Variants in SEC24A observed in about 807,000 individuals in gnomAD.
SEC24A encodes the protein SEC24 homolog A, COPII component.
A neutral mutation model predicts 129.4 loss-of-function variants in SEC24A; 93 were observed. The observed-to-expected ratio is 0.72, with a 90% confidence interval of 0.61 to 0.85. The LOEUF (loss-of-function observed/expected upper bound fraction) is 0.85, where lower values mean the gene tolerates loss of function less well. Among genes scored for constraint, SEC24A ranks in the 40% least tolerant of loss-of-function variants. The pLI is 0.00. For missense variants in SEC24A, 1,264 were observed against 1,307.4 expected, an observed-to-expected ratio of 0.97 and a Z score of 0.51; for synonymous variants, 460 against 467.3, an observed-to-expected ratio of 0.98 and a Z score of 0.20.
At chr5:134,690,096 G>GCAA (rs2150094563) in intron 11 of SEC24A, among the ~76,000 whole-genome samples, 1 of 152,156 alleles carries the variant, frequency 6.6e-6, no homozygotes, top group East Asian at 1.9e-4. Context: ...TCGGCTCGCT[G>GCAA]CAACCTCCAC....
At chr5:134,648,491 C>T (rs1008026008), upstream of SEC24A, 4 of 152,522 alleles carry the variant, frequency 2.6e-5, no homozygotes, top group African/African-American at 9.6e-5. Context: ...ACGAAAGCGG[C>T]TACTGAATCT....
rs577493845 is a variant in SEC24A at position 134,654,070 on chromosome 5, G to T, written c.97+4897G>T. Among the ~76,000 whole-genome samples, 234 of 151,678 alleles carry T rather than the reference G, an allele frequency of 1.5e-3. 1 individual carries two copies. Among genetic ancestry groups the T allele is most frequent in the Middle Eastern group, 6.8e-3 (2 of 294 alleles). ...GCTACTCAGGAGGCTGAGGTAGGAG[G>T]ATCACCTGTGTCCAGGAGGTTAAGG... is the stretch of plus-strand genomic sequence containing the variant. On this transcript the variant is annotated intron_variant, in intron 1 of 22. Coordinates refer to ENST00000398844, the MANE Select transcript of SEC24A (RefSeq NM_021982.3).
At chr5:134,694,737 T>G (rs1406216455) in intron 13 of SEC24A, among the ~76,000 whole-genome samples, 2 of 149,936 alleles carry the variant, frequency 1.3e-5, no homozygotes, top group Non-Finnish European at 3.0e-5. Context: ...GAGAATTGCT[T>G]GAACCTGGGA....
rs773785901 is a variant in SEC24A at position 134,704,329 on chromosome 5, A to G, written c.2440+397A>G. Among the ~76,000 whole-genome samples, 6 of 152,110 alleles carry G rather than the reference A, an allele frequency of 3.9e-5. No individual in the cohort carries two copies. In the South Asian group the frequency reaches 6.2e-4, roughly 16 times the overall value. ...GTGATCTGCCCGCCTCTGCCTCCCA[A>G]CGTGCTGGGATTACAGGCATGAGCC... is the stretch of plus-strand genomic sequence containing the variant. On this transcript the variant is annotated intron_variant, in intron 16 of 22. Coordinates refer to ENST00000398844, the MANE Select transcript of SEC24A (RefSeq NM_021982.3).
In SEC24A at chr5:134,655,386, C is replaced by T. The variant is rs144882968; in HGVS notation, c.98-5733C>T. ...GGCCACAAGGCTGGGCGTGGTGGCT[C>T]ATGCCTGTAATCCCAGCACTTTGGG... On this transcript the variant is annotated intron_variant, in intron 1 of 22. Coordinates refer to ENST00000398844, the MANE Select transcript of SEC24A (RefSeq NM_021982.3). Among the ~76,000 whole-genome samples the T allele has an allele frequency of 8.4e-3, 1,277 of 152,236 alleles. 19 individuals are homozygous for T. The highest frequency in any genetic ancestry group is 0.028 in the African/African-American group (1,165 of 41,550).
intron 3 of SEC24A, among the ~76,000 whole-genome samples, chr5:134,671,459 A>C (rs1750855190): frequency 6.6e-6 from 1 of 152,188 alleles, no homozygotes; most frequent in South Asian, 2.1e-4. Context: ...GAAATCTTTC[A>C]GATGGTATAT....
intron 15 of SEC24A, among the ~76,000 whole-genome samples, chr5:134,700,345 G>A (rs1005853915): frequency 2.0e-5 from 3 of 151,486 alleles, no homozygotes; most frequent in African/African-American, 7.3e-5. Flanking sequence ...TCAGCCTCCC[G>A]AATAACTGGG....
chr5:134,662,347 G>T (rs1750500502), intron 2 of SEC24A, among the ~76,000 whole-genome samples: 1 of 151,794 alleles, frequency 6.6e-6, no homozygotes, highest in Non-Finnish European at 1.5e-5. Flanking sequence ...GTAGAGACGG[G>T]GTTTCACCGT....
Position 134,661,055 on chromosome 5 carries a change from C to T in SEC24A, c.98-64C>T, listed in dbSNP as rs906793487. 5 of 1,142,810 alleles carry T rather than the reference C, an allele frequency of 4.4e-6. No homozygotes were observed. In the Admixed American group the frequency reaches 7.0e-5, roughly 16 times the overall value. The allele number at this position is 1,142,810 out of a possible 1,614,324, so 70.8% of individuals were successfully genotyped here. On this transcript the variant is annotated intron_variant, in intron 1 of 22. Coordinates refer to ENST00000398844, the MANE Select transcript of SEC24A (RefSeq NM_021982.3). ...GCTGACTGTAAGAATATATGTTTTA[C>T]TTTATTTCTTAAAGTATTGCTATAT...
chr5:134,651,906 T>A (rs1048329486), intron 1 of SEC24A, among the ~76,000 whole-genome samples: 1 of 152,068 alleles, frequency 6.6e-6, no homozygotes, highest in African/African-American at 2.4e-5. Flanking sequence ...AAAGCAGTAG[T>A]TGATGCTTGC....
In SEC24A at chr5:134,720,993, C is replaced by T. The variant is rs779239901; in HGVS notation, c.2971-5C>T. On this transcript the variant is annotated splice_region_variant and splice_polypyrimidine_tract_variant and intron_variant, in intron 20 of 22. Coordinates refer to ENST00000398844, the MANE Select transcript of SEC24A (RefSeq NM_021982.3). ...ATCTCAAAATAATTTTATTCCTGTC[C>T]CTAGGTACTGATGCTTTGGGTTGGA... 6.4e-7 allele frequency: 1 copy of T among 1,574,492 alleles called. No individual in the cohort carries two copies. The highest frequency in any genetic ancestry group is 8.7e-7 in the Non-Finnish European group (1 of 1,144,336).
intron 4 of SEC24A, among the ~76,000 whole-genome samples, chr5:134,674,196 G>A (rs1194465408): frequency 6.6e-6 from 1 of 152,074 alleles, no homozygotes; most frequent in Non-Finnish European, 1.5e-5. Context: ...TGTTACTGGT[G>A]TTTGTCTTAT....
intron 1 of SEC24A, among the ~76,000 whole-genome samples, chr5:134,655,475 C>G (rs1467633551): frequency 6.6e-6 from 1 of 152,050 alleles, no homozygotes; most frequent in East Asian, 1.9e-4. Flanking sequence ...ATGGTGAAAC[C>G]TTGTCTCTAC....
At chr5:134,652,817 C>A (rs1408827554) in intron 1 of SEC24A, among the ~76,000 whole-genome samples, 1 of 151,316 alleles carries the variant, frequency 6.6e-6, no homozygotes, top group Middle Eastern at 3.4e-3. Flanking sequence ...TTTTTTGAGA[C>A]GGAGTCTCAC....
chr5:134,693,439 A>T (rs1751723808), intron 12 of SEC24A: 1 of 1,366,130 alleles, frequency 7.3e-7, no homozygotes. Flanking sequence ...AAATACATCA[A>T]ATCTCTAAAC....
intron 17 of SEC24A, among the ~76,000 whole-genome samples, chr5:134,707,990 A>G (rs6596182): frequency 0.048 from 7,313 of 152,230 alleles, 304 homozygotes; most frequent in African/African-American, 0.12. Context: ...TTAGTCAGGT[A>G]TAGTGGCACA....
chr5:134,657,036 A>C (rs974330772), intron 1 of SEC24A, among the ~76,000 whole-genome samples: 5 of 151,782 alleles, frequency 3.3e-5, no homozygotes, highest in African/African-American at 7.3e-5. Context: ...AAATTTAAAA[A>C]TTAGCCAGGC....
intron 3 of SEC24A, among the ~76,000 whole-genome samples, chr5:134,670,381 T>TC (rs1413606221): frequency 1.3e-5 from 2 of 152,248 alleles, no homozygotes; most frequent in Non-Finnish European, 2.9e-5. Context: ...ATTAAATGTA[T>TC]CTACTTCGTG....
intron 15 of SEC24A, among the ~76,000 whole-genome samples, chr5:134,702,654 T>C (rs1344347094): frequency 6.6e-6 from 1 of 152,218 alleles, no homozygotes; most frequent in African/African-American, 2.4e-5. Flanking sequence ...ACCTTGAAGA[T>C]TCATTAATTT....
Sources: gnomAD v4.1 joint callset for allele counts (sites outside exome capture counted in the v4.1 genomes callset) on GRCh38, gnomAD v4.1.1 for gene constraint, MANE v1.5 for transcripts, NCBI Gene and HGNC (gene_info 2026-07-23, HGNC 2026-07-21) for gene names.